Variants in GAB2 observed in about 807,000 individuals in gnomAD.
GAB2 encodes the protein GRB2-associated-binding protein 2.
In GAB2, 26 loss-of-function variants were observed where a neutral mutation model predicts 65.5. The ratio of observed to expected loss-of-function variants is 0.40; its 90% confidence interval spans 0.29 to 0.55. The LOEUF is 0.55. Ranked by LOEUF, GAB2 falls within the 20% of genes least tolerant of loss-of-function variation. The probability of loss-of-function intolerance (pLI) is 0.53; values close to 1 mark genes in which losing one functional copy is unlikely to be tolerated. For synonymous variants in GAB2, 321 were observed against 329.6 expected (o/e 0.97, Z 0.28); for missense variants, 884 against 875.8 (o/e 1.01, Z -0.12).
At chr11:78,220,225 C>T in intron 9 of GAB2, 94 bp downstream of exon 9, 1 of 1,323,256 alleles carries the variant, frequency 7.6e-7, no homozygotes, top group Non-Finnish European at 1.1e-6. Context: ...AGGCTGAGTG[C>T]TGCTGTTCAG....
Position 78,376,722 on chromosome 11 carries a change from G to A in GAB2, c.75+40924C>T, listed in dbSNP as rs142045211. On this transcript the variant is annotated intron_variant, in intron 1 of 9. Coordinates refer to ENST00000361507, the MANE Select transcript of GAB2 (RefSeq NM_080491.3). ...TCTAGGCTCATGATGAGGGAGAGTT[G>A]GAGGGGGGCACCGAGACTGTGACTA... 3.3e-5 allele frequency among the ~76,000 whole-genome samples: 5 copies of A among 152,218 alleles called. No individual in the cohort carries two copies. In the East Asian group the frequency reaches 9.7e-4, roughly 29 times the overall value.
At chr11:78,348,157 G>C (rs900485082) in intron 1 of GAB2, among the ~76,000 whole-genome samples, 13 of 152,132 alleles carry the variant, frequency 8.5e-5, no homozygotes, top group African/African-American at 3.1e-4. Context: ...TCTCAGCAGT[G>C]ACAGAAGCAG....
At chr11:78,265,918 G>C (rs1425247927) in intron 2 of GAB2, among the ~76,000 whole-genome samples, 1 of 152,012 alleles carries the variant, frequency 6.6e-6, no homozygotes. Context: ...ACCAAACACT[G>C]TAACTAAAAC....
At chr11:78,349,151 C>T (rs1856235893) in intron 1 of GAB2, among the ~76,000 whole-genome samples, 1 of 152,132 alleles carries the variant, frequency 6.6e-6, no homozygotes, top group Non-Finnish European at 1.5e-5. Flanking sequence ...TAAATGTACA[C>T]AGATATAGTT....
intron 8 of GAB2, among the ~76,000 whole-genome samples, 159 bp downstream of exon 8, chr11:78,221,518 A>T (rs539460559): frequency 3.3e-5 from 5 of 152,224 alleles, no homozygotes; most frequent in Non-Finnish European, 7.4e-5. Context: ...TGCTTGATAA[A>T]CAGGTGCTCA....
At chr11:78,367,022 C>A (rs560039708) in intron 1 of GAB2, among the ~76,000 whole-genome samples, 10 of 152,118 alleles carry the variant, frequency 6.6e-5, no homozygotes, top group African/African-American at 2.2e-4. Context: ...ATGAATTTAC[C>A]ATCTAGCAAG....
At chr11:78,328,607 T>C (rs909403993) in intron 1 of GAB2, among the ~76,000 whole-genome samples, 1 of 152,192 alleles carries the variant, frequency 6.6e-6, no homozygotes, top group African/African-American at 2.4e-5. Context: ...GAATGGTCTA[T>C]AAATACATTC....
At position 78,219,201 on chromosome 11, in the gene GAB2, G is replaced by A; in HGVS notation, c.*71C>T. 2.1e-6 allele frequency: 3 copies of A among 1,406,580 alleles called. No individual in the cohort carries two copies. The highest frequency in any genetic ancestry group is 1.2e-5 in the South Asian group (1 of 83,006). The allele number at this position is 1,406,580 out of a possible 1,614,324, so 87.1% of individuals were successfully genotyped here. On this transcript the variant is annotated 3_prime_UTR_variant, in exon 10 of 10. Coordinates refer to ENST00000361507, the MANE Select transcript of GAB2 (RefSeq NM_080491.3). ...GAGGTGGATGGGAGGAAGAACGGGAGAGGGGAGAGGGGAGATGGGAAGGGC... is the reference window on the plus strand; with the variant it reads ...GAGGTGGATGGGAGGAAGAACGGGAAAGGGGAGAGGGGAGATGGGAAGGGC...
intron 2 of GAB2, among the ~76,000 whole-genome samples, chr11:78,261,597 C>T (rs1336714977): frequency 6.6e-6 from 1 of 152,210 alleles, no homozygotes; most frequent in African/African-American, 2.4e-5. Flanking sequence ...GCAGACCCTT[C>T]TCCTGTTCCT....
intron 2 of GAB2, among the ~76,000 whole-genome samples, chr11:78,251,257 T>C (rs887103725): frequency 3.9e-5 from 6 of 152,108 alleles, no homozygotes; most frequent in African/African-American, 1.4e-4. Context: ...AAAGCACAAA[T>C]GCATTTGGAG....
intron 2 of GAB2, among the ~76,000 whole-genome samples, chr11:78,259,743 A>C (rs532024286): frequency 2.9e-4 from 44 of 152,290 alleles, no homozygotes; most frequent in African/African-American, 1.1e-3. Flanking sequence ...CCTACCTCTC[A>C]AATCTCTCAT....
At chr11:78,383,366 G>T (rs966217340) in intron 1 of GAB2, among the ~76,000 whole-genome samples, 1 of 151,984 alleles carries the variant, frequency 6.6e-6, no homozygotes, top group African/African-American at 2.4e-5. Context: ...TGAAAAGTAG[G>T]CATAAGATAA....
chr11:78,337,818 AG>A (rs1856027680), intron 1 of GAB2, among the ~76,000 whole-genome samples: 1 of 152,232 alleles, frequency 6.6e-6, no homozygotes, highest in Non-Finnish European at 1.5e-5. Flanking sequence ...AATATAAAGC[AG>A]CACAAATACA....
At chr11:78,353,165 G>C (rs1856306019) in intron 1 of GAB2, among the ~76,000 whole-genome samples, 1 of 152,198 alleles carries the variant, frequency 6.6e-6, no homozygotes, top group Non-Finnish European at 1.5e-5. Flanking sequence ...TGGGAGCCAG[G>C]AGTGGTGGCA....
At chr11:78,303,286 T>G (rs930616397) in intron 1 of GAB2, among the ~76,000 whole-genome samples, 2 of 152,250 alleles carry the variant, frequency 1.3e-5, no homozygotes, top group African/African-American at 4.8e-5. Context: ...TTTTTTGCTT[T>G]TCTTATAAAT....
At chr11:78,351,002 G>A (rs751017545) in intron 1 of GAB2, among the ~76,000 whole-genome samples, 1 of 152,214 alleles carries the variant, frequency 6.6e-6, no homozygotes, top group Non-Finnish European at 1.5e-5. Flanking sequence ...GAAGGAAGTC[G>A]TGGAAGAAGC....
chr11:78,267,597 A>C (rs1399273127), intron 2 of GAB2, among the ~76,000 whole-genome samples: 1 of 152,022 alleles, frequency 6.6e-6, no homozygotes, highest in Non-Finnish European at 1.5e-5. Context: ...GGTGGCTCAC[A>C]CCTGTAATCC....
intron 1 of GAB2, among the ~76,000 whole-genome samples, chr11:78,320,306 G>A (rs1855698324): frequency 6.6e-6 from 1 of 152,170 alleles, no homozygotes; most frequent in Non-Finnish European, 1.5e-5. Flanking sequence ...CAGTAGGTGG[G>A]ACTACAGGGA....
chr11:78,338,087 T>C (rs1309924829), intron 1 of GAB2, among the ~76,000 whole-genome samples: 3 of 152,096 alleles, frequency 2.0e-5, no homozygotes, highest in Admixed American at 6.5e-5. Context: ...GTATGTTACC[T>C]GACTCTTCAG....
Sources: gnomAD v4.1 joint callset for allele counts (sites outside exome capture counted in the v4.1 genomes callset) on GRCh38, gnomAD v4.1.1 for gene constraint, MANE v1.5 for transcripts, NCBI Gene and HGNC (gene_info 2026-07-23, HGNC 2026-07-21) for gene names.